Variants in VEGFD observed in about 807,000 individuals in gnomAD.
The protein encoded by VEGFD is vascular endothelial growth factor D.
VEGFD carries 26 observed loss-of-function variants against 28.0 expected under a neutral mutation model. The ratio of observed to expected loss-of-function variants is 0.93; its 90% CI spans 0.68 to 1.29. VEGFD has a LOEUF of 1.29. Ranked by LOEUF, VEGFD falls within the 50% of genes most tolerant of loss-of-function variation. The probability of loss-of-function intolerance (pLI) is 0.00; values close to 1 mark genes in which losing one functional copy is unlikely to be tolerated. For missense variants in VEGFD, 294 were observed against 273.4 expected, an observed-to-expected ratio of 1.08 and a Z score of -0.53; for synonymous variants, 93 against 95.5, an observed-to-expected ratio of 0.97 and a Z score of 0.15.
At chrX:15,365,341 C>T (rs1923120105) in intron 1 of VEGFD, among the ~76,000 whole-genome samples, 2 of 111,546 alleles carry the variant, frequency 1.8e-5, no homozygotes, top group Admixed American at 1.9e-4. Flanking sequence ...CCATGTTGCG[C>T]AGGCTGGTCT....
At chrX:15,368,837 T>A (rs1366288423) in intron 1 of VEGFD, among the ~76,000 whole-genome samples, 1 of 112,269 alleles carries the variant, frequency 8.9e-6, no homozygotes, top group Non-Finnish European at 1.9e-5. Flanking sequence ...CTGCTTTTTA[T>A]TACAGCGGCA....
chrX:15,367,986 A>AAAAGAAGGAAAGAAAGAAAGAAAGAAAG (rs1923191807), intron 1 of VEGFD, among the ~76,000 whole-genome samples: 1 of 66,631 alleles, frequency 1.5e-5, no homozygotes, highest in Non-Finnish European at 2.6e-5. Context: ...AAGAAAAAGA[A>AAAAGAAGGAAAGAAAGAAAGAAAGAAAG]AAAGAAAGAA....
rs141051319 is a variant in VEGFD at position 15,346,148 on chromosome X, G to C, written c.1050C>G (p.Ser350Arg). The change falls in exon 7 of 7, where the codon AGC (serine) becomes AGG (arginine). Residue 350 changes from serine (S) to arginine (R), a missense_variant. Transcript: ENST00000297904. ...KEKRAAQGPHSRKNP is the reference protein window; with the variant it reads ...KEKRAAQGPHRRKNP ...GAACGCTGAATCAAGGATTCTTTCG[G>C]CTGTGGGGCCCCTGGGCAGCCCTTT... 9.1e-6 allele frequency: 11 copies of C among 1,209,451 alleles called. No homozygotes were observed. In the African/African-American group the frequency reaches 1.9e-4, roughly 21 times the overall value.
At chrX:15,367,010 T>C (rs1923164122) in intron 1 of VEGFD, among the ~76,000 whole-genome samples, 1 of 112,076 alleles carries the variant, frequency 8.9e-6, no homozygotes, top group Non-Finnish European at 1.9e-5. Flanking sequence ...TGTCTGTGGG[T>C]GCATGTTTTT....
chrX:15,382,475 T>C (rs967511066), intron 1 of VEGFD, among the ~76,000 whole-genome samples: 1 of 111,879 alleles, frequency 8.9e-6, no homozygotes. Flanking sequence ...GATAAAGTGA[T>C]GTTTTACAAG....
At chrX:15,354,037 C>T (rs1000513826) in intron 4 of VEGFD, among the ~76,000 whole-genome samples, 1 of 108,627 alleles carries the variant, frequency 9.2e-6, no homozygotes, top group Non-Finnish European at 1.9e-5. Context: ...GGCGCGATCT[C>T]GGCTCACTGC....
chrX:15,379,942 T>C (rs1215066882), intron 1 of VEGFD, among the ~76,000 whole-genome samples: 1 of 112,417 alleles, frequency 8.9e-6, no homozygotes, highest in African/African-American at 3.2e-5. Context: ...AGATGTAAGA[T>C]ATTGAGGATT....
At chrX:15,373,819 T>C (rs1372888617) in intron 1 of VEGFD, among the ~76,000 whole-genome samples, 1 of 111,524 alleles carries the variant, frequency 9.0e-6, no homozygotes, top group Non-Finnish European at 1.9e-5. Context: ...TTGCATTTCC[T>C]GTTTAACCTG....
chrX:15,356,081 G>A (rs781151815), intron 3 of VEGFD, among the ~76,000 whole-genome samples: 2 of 111,981 alleles, frequency 1.8e-5, no homozygotes, highest in South Asian at 3.7e-4. Flanking sequence ...TTCTTTCTAC[G>A]CTTTCCGTAG....
chrX:15,349,407 G>A (rs191767638), intron 5 of VEGFD, among the ~76,000 whole-genome samples: 3 of 112,158 alleles, frequency 2.7e-5, no homozygotes, highest in African/African-American at 9.7e-5. Context: ...AGAACTGGTG[G>A]TGGAACAGCA....
rs377710149 is a variant in VEGFD, at chrX:15,346,183, G to A, written c.1015C>T (p.Pro339Ser). 10 of 1,209,953 alleles carry A rather than the reference G, an allele frequency of 8.3e-6. No individual in the cohort carries two copies. Among genetic ancestry groups the A allele is most frequent in the Non-Finnish European group, 1.1e-5 (10 of 894,801 alleles). Residue 339 changes from proline (P) to serine (S), a missense_variant, in exon 7 of 7, where the codon CCA becomes TCA. By Grantham distance (74) the Pro-to-Ser change is moderately conservative. Coordinates refer to ENST00000297904, the MANE Select transcript of VEGFD (RefSeq NM_004469.5). Reference sequence around the variant, plus strand: ...CCCTGGGCAGCCCTTTTCTCCTTTGGAAAGCGGCAATGCTTTGCACATGCT... The same window carrying A: ...CCCTGGGCAGCCCTTTTCTCCTTTGAAAAGCGGCAATGCTTTGCACATGCT... ...KTACAKHCRF[P>S]KEKRAAQGPH...
At chrX:15,359,122 G>T (rs949641509) in intron 2 of VEGFD, among the ~76,000 whole-genome samples, 3 of 110,633 alleles carry the variant, frequency 2.7e-5, no homozygotes, top group Non-Finnish European at 5.7e-5. Context: ...ACCCCCAGTG[G>T]TCCCCATCTC....
chrX:15,346,380 G>T, intron 6 of VEGFD, 121 bp from the exon 7 acceptor site: 1 of 774,550 alleles, frequency 1.3e-6, no homozygotes, highest in Non-Finnish European at 1.8e-6. Context: ...ATAAAATCCT[G>T]CATGGTTATC....
intron 4 of VEGFD, among the ~76,000 whole-genome samples, chrX:15,354,217 C>T (rs1313513937): frequency 9.1e-6 from 1 of 110,347 alleles, no homozygotes; most frequent in Admixed American, 9.7e-5. Context: ...GTGATCTGCC[C>T]GCCTCAGCCT....
intron 3 of VEGFD, 53 bp from the exon 4 acceptor site, chrX:15,355,351 T>C: frequency 1.0e-6 from 1 of 1,003,658 alleles, no homozygotes; most frequent in Non-Finnish European, 1.3e-6. Context: ...ATATATCATT[T>C]TTAAAGTTGT....
At chrX:15,351,056 T>A (rs867434198) in intron 5 of VEGFD, among the ~76,000 whole-genome samples, 1,654 of 85,302 alleles carry the variant, frequency 0.019, 159 homozygotes, top group African/African-American at 0.069. Context: ...TTTTTTTTTT[T>A]TTTTTTTTAG....
chrX:15,359,191 C>A (rs1922941932), intron 2 of VEGFD, among the ~76,000 whole-genome samples: 1 of 109,964 alleles, frequency 9.1e-6, no homozygotes, highest in Non-Finnish European at 1.9e-5. Context: ...AACCTAGTAA[C>A]TTGCTTCTTA....
chrX:15,383,551 G>A (rs1472148418), intron 1 of VEGFD, among the ~76,000 whole-genome samples: 1 of 111,962 alleles, frequency 8.9e-6, no homozygotes, highest in Non-Finnish European at 1.9e-5. Flanking sequence ...AAAAACCACT[G>A]TGCCATCTGC....
In VEGFD at chrX:15,347,763, G is replaced by C. The variant is rs1480366577; in HGVS notation, c.743-404C>G. Among the ~76,000 whole-genome samples the C allele has an allele frequency of 3.6e-5, 4 of 111,707 alleles. No homozygotes were observed. The East Asian group carries it at 1.1e-3, about 31-fold the overall frequency. On this transcript the variant is annotated intron_variant, in intron 5 of 6. Transcript: ENST00000297904. ...AAAGGAGAGACACACAAAATAATTG[G>C]TGTTGTAGAAATACACCTCAGACAT... is the stretch of plus-strand genomic sequence containing the variant.
Sources: gnomAD v4.1 joint callset for allele counts (sites outside exome capture counted in the v4.1 genomes callset) on GRCh38, gnomAD v4.1.1 for gene constraint, MANE v1.5 for transcripts, NCBI Gene and HGNC (gene_info 2026-07-23, HGNC 2026-07-21) for gene names.